Variants in SLC8A1 observed in about 807,000 individuals in gnomAD.
SLC8A1 encodes sodium/calcium exchanger 1.
Under a neutral mutation model 68.3 loss-of-function variants are expected in SLC8A1, and 18 were observed. The ratio of observed to expected loss-of-function variants is 0.26; its 90% CI spans 0.18 to 0.39. SLC8A1 has a LOEUF of 0.39. Ranked by LOEUF, SLC8A1 falls within the 10% of genes least tolerant of loss-of-function variation. SLC8A1 has a pLI of 1.00. For synonymous variants in SLC8A1, 475 were observed against 415.5 expected (o/e 1.14, Z -1.74); for missense variants, 985 against 1,156.7 (o/e 0.85, Z 2.15).
rs78359630 is a variant in SLC8A1, at chr2:40,403,327, C to G, written c.1808+25146G>C. On this transcript the variant is annotated intron_variant, in intron 2 of 7. Coordinates refer to ENST00000406785, the Ensembl canonical transcript of SLC8A1. Reference sequence around the variant, plus strand: ...TAATTACTTAAGGAGGAAATGCTCTCGTTTCATGGTTAGCAGGTTATCAAT... The same window carrying G: ...TAATTACTTAAGGAGGAAATGCTCTGGTTTCATGGTTAGCAGGTTATCAAT... 5.1e-3 allele frequency among the ~76,000 whole-genome samples: 784 copies of G among 152,258 alleles called. 9 individuals are homozygous for G. The highest frequency in any genetic ancestry group is 0.018 in the African/African-American group (732 of 41,542).
At chr2:40,297,353 T>C (rs558233665) in intron 2 of SLC8A1, among the ~76,000 whole-genome samples, 2 of 152,310 alleles carry the variant, frequency 1.3e-5, no homozygotes, top group Admixed American at 6.5e-5. Flanking sequence ...ACACATTTCA[T>C]AGTCTCCAAG....
chr2:40,508,444 C>A (rs1309559506), intron 1 of SLC8A1, among the ~76,000 whole-genome samples: 2 of 151,592 alleles, frequency 1.3e-5, no homozygotes, highest in Non-Finnish European at 2.9e-5. Context: ...AATTAACTAA[C>A]ATGCTCTTTC....
chr2:40,260,668 T>G (rs997101391), intron 2 of SLC8A1, among the ~76,000 whole-genome samples: 1 of 151,888 alleles, frequency 6.6e-6, no homozygotes, highest in African/African-American at 2.4e-5. Flanking sequence ...AAGAGGTGTC[T>G]TTCAACTCTA....
At chr2:40,204,756 C>A (rs1262588577) in intron 2 of SLC8A1, among the ~76,000 whole-genome samples, 3 of 151,866 alleles carry the variant, frequency 2.0e-5, no homozygotes, top group Non-Finnish European at 4.4e-5. Context: ...TCAATATATC[C>A]AACATATCAT....
chr2:40,510,721 C>A (rs1473684851), intron 1 of SLC8A1, among the ~76,000 whole-genome samples: 1 of 151,638 alleles, frequency 6.6e-6, no homozygotes, highest in East Asian at 2.0e-4. Flanking sequence ...AACTCTCTCA[C>A]AAATATAGAA....
intron 1 of SLC8A1, among the ~76,000 whole-genome samples, chr2:40,509,813 T>G (rs1050296142): frequency 8.3e-6 from 1 of 120,976 alleles, no homozygotes; most frequent in Non-Finnish European, 1.8e-5. Flanking sequence ...TTAACAGCCT[T>G]TTTTTTGTTT....
At chr2:40,277,123 A>G (rs899159954) in intron 2 of SLC8A1, among the ~76,000 whole-genome samples, 16 of 152,232 alleles carry the variant, frequency 1.1e-4, no homozygotes, top group African/African-American at 3.9e-4. Flanking sequence ...AATAAAAACC[A>G]TAATATATGG....
chr2:40,225,638 G>T (rs1165077135), intron 2 of SLC8A1, among the ~76,000 whole-genome samples: 1 of 152,082 alleles, frequency 6.6e-6, no homozygotes, highest in Non-Finnish European at 1.5e-5. Flanking sequence ...TTAAAACAAG[G>T]AACTTAATCT....
intron 2 of SLC8A1, among the ~76,000 whole-genome samples, chr2:40,186,600 C>T (rs1341108559): frequency 6.6e-6 from 1 of 152,088 alleles, no homozygotes; most frequent in Non-Finnish European, 1.5e-5. Flanking sequence ...GGCATGGATT[C>T]ATTTGGGGGG....
chr2:40,139,723 G>A lies in SLC8A1; in HGVS notation c.2162-47C>T, dbSNP rs778342959. ...ACATTTCATCACAACCTGTGTTGCC[G>A]GGTCTTCCTCTCTCTCAATCTCTCC... On this transcript the variant is annotated intron_variant, in intron 6 of 7. Transcript: ENST00000406785. 2.1e-5 allele frequency: 33 copies of A among 1,577,408 alleles called. 1 individual carries two copies. The highest frequency in any genetic ancestry group is 4.1e-4 in the Middle Eastern group (2 of 4,852).
chr2:40,395,679 G>T (rs1686688059), intron 2 of SLC8A1, among the ~76,000 whole-genome samples: 1 of 152,110 alleles, frequency 6.6e-6, no homozygotes. Flanking sequence ...GGAACTGCAG[G>T]ATTTCTGATT....
At chr2:40,220,344 T>C (rs2058139815) in intron 2 of SLC8A1, 1 of 152,160 alleles carries the variant, frequency 6.6e-6, no homozygotes, top group South Asian at 2.1e-4. Flanking sequence ...TTTCACCTCT[T>C]GTGCAAGGGA....
intron 2 of SLC8A1, among the ~76,000 whole-genome samples, chr2:40,229,831 A>G (rs2059433793): frequency 6.6e-6 from 1 of 152,200 alleles, no homozygotes; most frequent in Admixed American, 6.6e-5. Context: ...CATGTAAAAA[A>G]AGTATTAGGC....
chr2:40,217,352 C>T (rs2057656399), intron 2 of SLC8A1, among the ~76,000 whole-genome samples: 1 of 152,130 alleles, frequency 6.6e-6, no homozygotes, highest in African/African-American at 2.4e-5. Context: ...GTTTATATAT[C>T]TGTTTTGGTA....
At chr2:40,122,206 GCACACA>G (rs1236450975) in intron 7 of SLC8A1, among the ~76,000 whole-genome samples, 6 of 124,466 alleles carry the variant, frequency 4.8e-5, no homozygotes, top group African/African-American at 1.1e-4. Flanking sequence ...ATGCGCGCGC[GCACACA>G]CACACACACA....
intron 2 of SLC8A1, among the ~76,000 whole-genome samples, chr2:40,334,077 T>C (rs965054204): frequency 2.0e-5 from 3 of 152,110 alleles, no homozygotes; most frequent in African/African-American, 7.2e-5. Flanking sequence ...AAACAATCAA[T>C]ATGCATTATC....
intron 1 of SLC8A1, among the ~76,000 whole-genome samples, chr2:40,443,223 T>C (rs561493552): frequency 6.6e-6 from 1 of 152,242 alleles, no homozygotes; most frequent in East Asian, 1.9e-4. Flanking sequence ...TATACCTATG[T>C]AACAAACCTG....
intron 2 of SLC8A1, among the ~76,000 whole-genome samples, chr2:40,418,958 G>C (rs1232325921): frequency 6.6e-6 from 1 of 152,174 alleles, no homozygotes; most frequent in South Asian, 2.1e-4. Context: ...AACACCAGTG[G>C]CAAGAGCCCC....
rs781090935 is a variant in SLC8A1, at chr2:40,160,826, G to C, written c.2100C>G (p.Ala700=). ...TCCAGCTGTTAGTCCCAACCACAAG[G>C]GCCAGGTTTGTCTTCTTAATGAGTT... Residue 700 remains alanine, a synonymous_variant, in exon 6 of 8, where the codon GCC becomes GCG. Transcript: ENST00000406785. 14 of 1,613,112 alleles carry C rather than the reference G, an allele frequency of 8.7e-6. No individual in the cohort carries two copies. In the South Asian group the frequency reaches 1.5e-4, roughly 18 times the overall value.
Sources: gnomAD v4.1 joint callset for allele counts (sites outside exome capture counted in the v4.1 genomes callset) on GRCh38, gnomAD v4.1.1 for gene constraint, MANE v1.5 for transcripts, NCBI Gene and HGNC (gene_info 2026-07-23, HGNC 2026-07-21) for gene names.